KCTD2: variants seen among roughly 807,000 people sequenced by gnomAD.
KCTD2 encodes the protein potassium channel tetramerization domain containing 2, also known as BTB/POZ domain-containing protein KCTD2.
Under a neutral mutation model 27.9 loss-of-function variants are expected in KCTD2, and 18 were observed. The observed-to-expected ratio is 0.64, with a 90% confidence interval of 0.45 to 0.96. The LOEUF (loss-of-function observed/expected upper bound fraction) is 0.96. KCTD2 is among the 40% of genes least tolerant of loss of function. The pLI, the probability that KCTD2 is intolerant of heterozygous loss-of-function variation, is 0.00. For synonymous variants in KCTD2, 175 were observed against 148.4 expected, an observed-to-expected ratio of 1.18 and a Z score of -1.30; for missense variants, 280 against 348.0, an observed-to-expected ratio of 0.80 and a Z score of 1.56.
intron 5 of KCTD2, among the ~76,000 whole-genome samples, chr17:75,062,450 A>T (rs2073413744): frequency 6.6e-6 from 1 of 152,156 alleles, no homozygotes; most frequent in African/African-American, 2.4e-5. Flanking sequence ...AGAAAATATG[A>T]ACCTAAAAAG....
In KCTD2 at chr17:75,060,706, G is replaced by A. The variant is rs530397707; in HGVS notation, c.636+1101G>A. On this transcript the variant is annotated intron_variant, in intron 4 of 5. Transcript: ENST00000322444. ...GGCTGCACTCAGGGTCTCGGTCGCC[G>A]CCACTCGCCACCCTGGGATCAACCG... is the stretch of plus-strand genomic sequence containing the variant. The A allele has an allele frequency of 3.7e-5, 37 of 1,011,210 alleles. No individual in the cohort carries two copies. In the South Asian group the frequency reaches 4.5e-4, roughly 12 times the overall value. The allele number at this position is 1,011,210 out of a possible 1,614,324, so 62.6% of individuals were successfully genotyped here. A position where few individuals can be genotyped will look rare whatever the true frequency, so the allele number is the denominator to read the frequency against.
rs141770830 is a variant in KCTD2 at position 75,040,126 on chromosome 17, T to C, written c.-259+4769T>C. The C allele has an allele frequency of 5.5e-5, 88 of 1,612,894 alleles. No homozygotes were observed. Among genetic ancestry groups the C allele is most frequent in the Middle Eastern group, 1.9e-4 (1 of 5,222 alleles). On this transcript the variant is annotated intron_variant, in intron 3 of 7. Transcript: ENST00000581589. The stretch of plus-strand genomic sequence containing the variant: ...TTCTTCGGCATCCACCTGGGCAGTA[T>C]ATTTATCCTCTGGCACGGGAACCTT...
rs553584770 is a variant in KCTD2, at chr17:75,038,465, AC to A, written c.-259+3109del. On this transcript the variant is annotated intron_variant, in intron 3 of 7. Coordinates refer to the KCTD2 transcript ENST00000581589. ...GCCCAAAGTTTCCTTTTCTAATACC[AC>A]TTTTGTGCTCAAAAGCTGAAGCACA... 1.2e-4 allele frequency among the ~76,000 whole-genome samples: 18 copies of A among 152,170 alleles called. 1 individual carries two copies. Among genetic ancestry groups the A allele is most frequent in the Middle Eastern group, 6.8e-3 (2 of 294 alleles).
chr17:75,046,685 C>T (rs1337298798), upstream of KCTD2, among the ~76,000 whole-genome samples: 1 of 152,212 alleles, frequency 6.6e-6, no homozygotes, highest in Non-Finnish European at 1.5e-5. Flanking sequence ...CTTGTGGCAG[C>T]GCCTACATCA....
chr17:75,047,599 G>A lies in KCTD2; in HGVS notation c.339+10G>A, dbSNP rs770323445. 1.1e-5 allele frequency: 17 copies of A among 1,602,140 alleles called. No individual in the cohort carries two copies. The highest frequency in any genetic ancestry group is 1.4e-5 in the Non-Finnish European group (16 of 1,174,978). ...GCTGGACTCAGACAAGGTGTGCCCCGCCCTCGGGCGCGCCCCCGGGCCTTC... is the reference window on the plus strand; with the variant it reads ...GCTGGACTCAGACAAGGTGTGCCCCACCCTCGGGCGCGCCCCCGGGCCTTC... On this transcript the variant is annotated intron_variant, in intron 1 of 5. Coordinates refer to ENST00000322444, the MANE Select transcript of KCTD2 (RefSeq NM_015353.3).
chr17:75,060,342 A>G (rs1224253896), intron 4 of KCTD2: 1 of 1,228,214 alleles, frequency 8.1e-7, no homozygotes, highest in East Asian at 2.7e-5. Context: ...TGTGGTGTCC[A>G]CTGGAAAAAT....
rs143613826 is a variant in KCTD2, at chr17:75,037,511, T to C, written c.-259+2154T>C. ...CATTTAATTCTCATTACAATCCTGA[T>C]ATTTGTAAATGAGAAAATTAAATTC... On this transcript the variant is annotated intron_variant, in intron 3 of 7. Coordinates refer to the KCTD2 transcript ENST00000581589. 2.2e-3 allele frequency among the ~76,000 whole-genome samples: 333 copies of C among 152,358 alleles called. 4 individuals carry two copies. The highest frequency in any genetic ancestry group is 7.4e-3 in the African/African-American group (309 of 41,580).
intron 1 of KCTD2, chr17:75,048,885 A>G (rs1365451734): frequency 1.1e-5 from 2 of 181,976 alleles, no homozygotes; most frequent in South Asian, 1.8e-4. Context: ...TCCCTTTCTT[A>G]ATAACAAACA....
chr17:75,036,211 G>C lies in KCTD2; in HGVS notation c.-259+854G>C, dbSNP rs1455965990. Reference sequence around the variant, plus strand: ...TGAGATTACAGGCGTGAGCCACTGGGCCCGGCCAGGGAATGGAGTTTTGTC... The same window carrying C: ...TGAGATTACAGGCGTGAGCCACTGGCCCCGGCCAGGGAATGGAGTTTTGTC... On this transcript the variant is annotated intron_variant, in intron 3 of 7. Coordinates refer to the KCTD2 transcript ENST00000581589. The C allele has an allele frequency of 1.0e-5, 3 of 290,232 alleles. No homozygotes were observed. In the East Asian group the frequency reaches 3.5e-4, roughly 34 times the overall value. 18.0% of individuals were successfully genotyped at this position (290,232 alleles called of 1,614,324 possible).
rs145096735 is a variant in KCTD2 at position 75,050,147 on chromosome 17, A to G, written c.448+819A>G. Among the ~76,000 whole-genome samples the G allele has an allele frequency of 1.1e-4, 17 of 152,378 alleles. No individual in the cohort carries two copies. In the East Asian group the frequency reaches 2.9e-3, roughly 26 times the overall value. ...CATACAGAAGTAATGGGAATAGTAC[A>G]TACAGTGAATTCCTTGCATCCACTA... On this transcript the variant is annotated intron_variant, in intron 2 of 5. Transcript: ENST00000322444.
upstream of KCTD2, among the ~76,000 whole-genome samples, chr17:75,044,961 G>A (rs61549768): frequency 0.021 from 3,241 of 152,278 alleles, 96 homozygotes; most frequent in African/African-American, 0.073. Flanking sequence ...AAAGTTACCA[G>A]GGAACCAAGC....
intron 1 of KCTD2, 114 bp downstream of exon 1, chr17:75,047,703 C>T (rs1424267838): frequency 4.1e-6 from 4 of 972,164 alleles, no homozygotes; most frequent in Admixed American, 2.5e-5. Flanking sequence ...AGGCCGGGAC[C>T]CCATCCTCCC....
chr17:75,038,844 G>A (rs2073128052), intron 3 of KCTD2: 2 of 1,428,146 alleles, frequency 1.4e-6, no homozygotes, highest in South Asian at 1.4e-5. Flanking sequence ...CAACCACAGA[G>A]AAGAAGCACA....
chr17:75,047,199 A>G, upstream of KCTD2: 2 of 497,970 alleles, frequency 4.0e-6, no homozygotes, highest in South Asian at 5.8e-5. Context: ...CTGCCGAGAA[A>G]TGGGCCGGCC....
intron 2 of KCTD2, among the ~76,000 whole-genome samples, chr17:75,052,241 G>T (rs909698403): frequency 6.6e-6 from 1 of 152,208 alleles, no homozygotes; most frequent in East Asian, 1.9e-4. Flanking sequence ...ACCGAAAATA[G>T]CAAAGAGATA....
chr17:75,063,187 C>A lies in KCTD2; in HGVS notation c.*140C>A. 1.2e-6 allele frequency: 1 copy of A among 824,980 alleles called. No individual in the cohort carries two copies. The highest frequency in any genetic ancestry group is 1.4e-5 in the South Asian group (1 of 69,328). 51.1% of individuals were successfully genotyped at this position (824,980 alleles called of 1,614,324 possible). A position where few individuals can be genotyped will look rare whatever the true frequency, so the allele number is the denominator to read the frequency against. On this transcript the variant is annotated 3_prime_UTR_variant, in exon 6 of 6. Coordinates refer to ENST00000322444, the MANE Select transcript of KCTD2 (RefSeq NM_015353.3). ...GCCCCCTGTGAAGAAGTGTTCTGGTCAAAACTAAAGGAACTCCCTCCCCAC... is the reference window on the plus strand; with the variant it reads ...GCCCCCTGTGAAGAAGTGTTCTGGTAAAAACTAAAGGAACTCCCTCCCCAC...
chr17:75,050,103 T>G (rs1468527039), intron 2 of KCTD2, among the ~76,000 whole-genome samples: 2 of 152,222 alleles, frequency 1.3e-5, no homozygotes, highest in African/African-American at 4.8e-5. Context: ...ATGTCCCTTT[T>G]TAAACAATAT....
intron 4 of KCTD2, chr17:75,060,647 C>T (rs914094915): frequency 1.3e-5 from 20 of 1,552,914 alleles, no homozygotes; most frequent in East Asian, 4.7e-5. Context: ...CGAGTGGGCC[C>T]GGCCAGGGAG....
chr17:75,043,673 T>C (rs1324214551), upstream of KCTD2, among the ~76,000 whole-genome samples: 1 of 148,592 alleles, frequency 6.7e-6, no homozygotes, highest in African/African-American at 2.5e-5. Context: ...TCTGGAAAAA[T>C]TACTAAAAAT....
Sources: gnomAD v4.1 joint callset for allele counts (sites outside exome capture counted in the v4.1 genomes callset) on GRCh38, gnomAD v4.1.1 for gene constraint, MANE v1.5 for transcripts, NCBI Gene and HGNC (gene_info 2026-07-23, HGNC 2026-07-21) for gene names.